The following PLEKHG7 variants were observed in gnomAD, a reference collection of about 807,000 sequenced individuals.
PLEKHG7 encodes pleckstrin homology and RhoGEF domain containing G7.
PLEKHG7 carries 77 observed loss-of-function variants against 85.2 expected under a neutral mutation model. The ratio of observed to expected loss-of-function variants is 0.90; its 90% CI spans 0.75 to 1.09. PLEKHG7 has a LOEUF of 1.09. Among genes scored for constraint, PLEKHG7 ranks in the 50% least tolerant of loss-of-function variants. The probability of loss-of-function intolerance (pLI) is 0.00; values close to 1 mark genes in which losing one functional copy is unlikely to be tolerated. For synonymous variants in PLEKHG7, 301 were observed against 302.4 expected (o/e 1.00, Z 0.05); for missense variants, 777 against 804.3 (o/e 0.97, Z 0.41).
At chr12:92,761,642 GAAAGAA>G in intron 13 of PLEKHG7, 104 bp from the exon 14 acceptor site, 1 of 778,986 alleles carries the variant, frequency 1.3e-6, no homozygotes, top group East Asian at 4.2e-5. Flanking sequence ...AAGAAAGAAA[GAAAGAA>G]AGAAAGAAAG....
At chr12:92,711,487 T>G (rs1957149011) in intron 3 of PLEKHG7, among the ~76,000 whole-genome samples, 1 of 152,206 alleles carries the variant, frequency 6.6e-6, no homozygotes, top group Non-Finnish European at 1.5e-5. Flanking sequence ...CTGCTATGCA[T>G]GACCCACTTT....
At chr12:92,726,672 G>C (rs916758336) in intron 3 of PLEKHG7, among the ~76,000 whole-genome samples, 2 of 152,040 alleles carry the variant, frequency 1.3e-5, no homozygotes, top group Non-Finnish European at 2.9e-5. Context: ...TGGTGGCTTT[G>C]GCACTGTTCC....
At chr12:92,754,840 C>T (rs189492945) in intron 11 of PLEKHG7, among the ~76,000 whole-genome samples, 69 of 152,198 alleles carry the variant, frequency 4.5e-4, no homozygotes, top group Admixed American at 2.1e-3. Context: ...CCAAGATTTT[C>T]CTCGTGGGCA....
At chr12:92,721,641 C>A in intron 3 of PLEKHG7, 3 of 504,468 alleles carry the variant, frequency 5.9e-6, no homozygotes, top group Non-Finnish European at 2.5e-6. Context: ...CCCAGTTATA[C>A]AACCTTCTGG....
intron 9 of PLEKHG7, among the ~76,000 whole-genome samples, chr12:92,743,715 A>G (rs1161654008): frequency 6.6e-6 from 1 of 152,064 alleles, no homozygotes; most frequent in African/African-American, 2.4e-5. Flanking sequence ...GTGCGCCACC[A>G]TGCCCAACTA....
chr12:92,736,101 T>A (rs1248849483), intron 5 of PLEKHG7, among the ~76,000 whole-genome samples: 2 of 152,182 alleles, frequency 1.3e-5, no homozygotes, highest in African/African-American at 4.8e-5. Flanking sequence ...CTGAGGTACC[T>A]TCTGATGTTA....
intron 3 of PLEKHG7, among the ~76,000 whole-genome samples, chr12:92,722,944 A>G (rs542482049): frequency 6.6e-6 from 1 of 152,342 alleles, no homozygotes; most frequent in South Asian, 2.1e-4. Flanking sequence ...GAGACAAGGT[A>G]GGAGTAGGGA....
chr12:92,742,153 T>G (rs952922717), intron 9 of PLEKHG7, among the ~76,000 whole-genome samples: 1 of 152,180 alleles, frequency 6.6e-6, no homozygotes, highest in African/African-American at 2.4e-5. Flanking sequence ...AGATTTGAAT[T>G]TTTACACTCC....
rs747407909 is a variant in PLEKHG7, at chr12:92,764,142, T to C, written c.1818T>C (p.Pro606=). The C allele has an allele frequency of 6.2e-7, 1 of 1,611,002 alleles. No homozygotes were observed. Among genetic ancestry groups the C allele is most frequent in the South Asian group, 1.1e-5 (1 of 90,582 alleles). The change falls in exon 15 of 17, where the codon CCT becomes CCC. Residue 606 remains proline (P), a synonymous_variant. Transcript: ENST00000344636. ...EGGSCTVLDQ[P]IPLDRLVVKS... ...GTTCGTGTACAGTACTCGATCAGCCTATTCCACTAGATAGATTGGTAGTCA... is the reference window on the plus strand; with the variant it reads ...GTTCGTGTACAGTACTCGATCAGCCCATTCCACTAGATAGATTGGTAGTCA...
intron 1 of PLEKHG7, among the ~76,000 whole-genome samples, chr12:92,704,909 G>T (rs1565784383): frequency 6.6e-6 from 1 of 152,152 alleles, no homozygotes; most frequent in Non-Finnish European, 1.5e-5. Context: ...AAGAGTCAGG[G>T]AGTAAAATAA....
intron 13 of PLEKHG7, among the ~76,000 whole-genome samples, chr12:92,759,620 A>G (rs1466885430): frequency 6.6e-6 from 1 of 152,240 alleles, no homozygotes; most frequent in Non-Finnish European, 1.5e-5. Context: ...ATCAGAGCAG[A>G]CATCAGAGAG....
chr12:92,739,455 C>A (rs1872282377), intron 7 of PLEKHG7, among the ~76,000 whole-genome samples: 1 of 152,280 alleles, frequency 6.6e-6, no homozygotes, highest in African/African-American at 2.4e-5. Context: ...ATGTTCACCG[C>A]AGAGAACGAA....
chr12:92,706,514 A>G lies in PLEKHG7; in HGVS notation c.-118A>G. Reference sequence around the variant, plus strand: ...CATTCTCCTCTGGAAAAGGAAAAGAACTACGAGAGGAAGCATGGCACTTGG... The same window carrying G: ...CATTCTCCTCTGGAAAAGGAAAAGAGCTACGAGAGGAAGCATGGCACTTGG... On this transcript the variant is annotated 5_prime_UTR_variant, in exon 2 of 17. Transcript: ENST00000344636. The G allele has an allele frequency of 1.1e-5, 14 of 1,273,846 alleles. No homozygotes were observed. The highest frequency in any genetic ancestry group is 1.6e-5 in the South Asian group (1 of 63,310). 78.9% of individuals were successfully genotyped at this position (1,273,846 alleles called of 1,614,324 possible).
At chr12:92,725,124 T>C (rs1871758263) in intron 3 of PLEKHG7, among the ~76,000 whole-genome samples, 2 of 152,172 alleles carry the variant, frequency 1.3e-5, no homozygotes, top group Admixed American at 6.5e-5. Context: ...AGATAATCCA[T>C]GGGCCTGAAT....
At position 92,749,957 on chromosome 12, in the gene PLEKHG7, A is replaced by AT. The variant is rs1555195929; in HGVS notation, c.1252-4132dup. Among the ~76,000 whole-genome samples, 16 of 121,144 alleles carry AT rather than the reference A, an allele frequency of 1.3e-4. No individual in the cohort carries two copies. In the East Asian group the frequency reaches 1.7e-3, roughly 13 times the overall value. 79.5% of individuals were successfully genotyped at this position (121,144 alleles called of 152,430 possible). Reference sequence around the variant, plus strand: ...TTTATTTTATATTTTATTTTATTTTATATTTTATTTTATATTTTATTTTAT... The same window carrying AT: ...TTTATTTTATATTTTATTTTATTTTATTATTTTATTTTATATTTTATTTTAT... On this transcript the variant is annotated intron_variant, in intron 10 of 16. Coordinates refer to ENST00000344636, the MANE Select transcript of PLEKHG7 (RefSeq NM_001377329.1).
At chr12:92,767,640 T>G (rs1428070306) in intron 15 of PLEKHG7, among the ~76,000 whole-genome samples, 1 of 152,196 alleles carries the variant, frequency 6.6e-6, no homozygotes, top group African/African-American at 2.4e-5. Flanking sequence ...TAGATTGTTA[T>G]GAGTATAATC....
chr12:92,718,451 T>C (rs1316816800), intron 3 of PLEKHG7, among the ~76,000 whole-genome samples: 1 of 152,234 alleles, frequency 6.6e-6, no homozygotes, highest in Non-Finnish European at 1.5e-5. Flanking sequence ...TCATCTGTTT[T>C]GTTTATTGCC....
chr12:92,718,754 T>C (rs949050296), intron 3 of PLEKHG7, among the ~76,000 whole-genome samples: 6 of 152,076 alleles, frequency 3.9e-5, no homozygotes, highest in South Asian at 2.1e-4. Context: ...CACAAGGGAG[T>C]ATGTTGAGTG....
intron 11 of PLEKHG7, among the ~76,000 whole-genome samples, 165 bp downstream of exon 11, chr12:92,754,429 C>T (rs1872771892): frequency 6.6e-6 from 1 of 152,162 alleles, no homozygotes; most frequent in South Asian, 2.1e-4. Flanking sequence ...GCGCACAGAA[C>T]AATGGGCTCC....
Sources: allele counts gnomAD v4.1 joint callset (sites outside exome capture counted in the v4.1 genomes callset), GRCh38; gene constraint gnomAD v4.1.1; transcripts MANE v1.5; gene names NCBI Gene and HGNC (gene_info 2026-07-23, HGNC 2026-07-21).